OSBP2: variants seen among roughly 807,000 people sequenced by gnomAD.
The protein encoded by OSBP2 is oxysterol binding protein 2.
In OSBP2, 66 loss-of-function variants were observed where a neutral mutation model predicts 96.0. The observed-to-expected ratio is 0.69, with a 90% CI of 0.56 to 0.84. OSBP2 has a LOEUF of 0.84. Ranked by LOEUF, OSBP2 falls within the 40% of genes least tolerant of loss-of-function variation. The pLI is 0.00. For missense variants in OSBP2, 1,038 were observed against 1,222.7 expected, an observed-to-expected ratio of 0.85 and a Z score of 2.25; for synonymous variants, 525 against 520.9, an observed-to-expected ratio of 1.01 and a Z score of -0.11.
At chr22:30,860,085 G>A (rs1358542977) in intron 2 of OSBP2, among the ~76,000 whole-genome samples, 1 of 152,200 alleles carries the variant, frequency 6.6e-6, no homozygotes, top group African/African-American at 2.4e-5. Context: ...CTTGGCTACA[G>A]CACTAAAGGC....
chr22:30,764,509 G>C, intron 2 of OSBP2: 1 of 538,026 alleles, frequency 1.9e-6, no homozygotes, highest in Non-Finnish European at 2.4e-6. Flanking sequence ...CGGGAACCCT[G>C]CTGCCTGTGT....
At chr22:30,850,097 G>A (rs2038949942) in intron 2 of OSBP2, among the ~76,000 whole-genome samples, 1 of 152,024 alleles carries the variant, frequency 6.6e-6, no homozygotes, top group Admixed American at 6.6e-5. Flanking sequence ...GAATTCAGGA[G>A]TTTAAGTCCA....
At chr22:30,707,822 T>G (rs918091580) in intron 1 of OSBP2, among the ~76,000 whole-genome samples, 1 of 151,856 alleles carries the variant, frequency 6.6e-6, no homozygotes, top group African/African-American at 2.4e-5. Context: ...GGGGAGTCAA[T>G]GAATTGCTAG....
At chr22:30,802,846 A>G (rs1029988446) in intron 2 of OSBP2, among the ~76,000 whole-genome samples, 1 of 152,198 alleles carries the variant, frequency 6.6e-6, no homozygotes, top group Non-Finnish European at 1.5e-5. Context: ...GCGCCCTTGC[A>G]GCGCTCAGGC....
At chr22:30,862,417 A>G (rs867323001) in intron 2 of OSBP2, among the ~76,000 whole-genome samples, 1 of 152,210 alleles carries the variant, frequency 6.6e-6, no homozygotes. Context: ...CAGTGGCTCA[A>G]GCCTGTAATC....
intron 2 of OSBP2, among the ~76,000 whole-genome samples, chr22:30,867,775 G>T (rs1263828252): frequency 6.6e-6 from 1 of 152,214 alleles, no homozygotes; most frequent in African/African-American, 2.4e-5. Flanking sequence ...CACACAGAAG[G>T]ATGCTAACAT....
At chr22:30,783,555 C>T (rs1339247808) in intron 2 of OSBP2, among the ~76,000 whole-genome samples, 1 of 152,010 alleles carries the variant, frequency 6.6e-6, no homozygotes, top group East Asian at 1.9e-4. Context: ...TTCCTGATCT[C>T]AAGTGATCCA....
chr22:30,810,634 A>G (rs373792726), intron 2 of OSBP2, among the ~76,000 whole-genome samples: 1 of 152,150 alleles, frequency 6.6e-6, no homozygotes, highest in African/African-American at 2.4e-5. Flanking sequence ...ACTATACCTG[A>G]GCCCCCGCCC....
chr22:30,810,598 G>A lies in OSBP2; in HGVS notation c.854-59831G>A, dbSNP rs147809966. 3.9e-5 allele frequency among the ~76,000 whole-genome samples: 6 copies of A among 152,236 alleles called. No homozygotes were observed. In the East Asian group the frequency reaches 1.2e-3, roughly 29 times the overall value. On this transcript the variant is annotated intron_variant, in intron 2 of 13. Coordinates refer to ENST00000332585, the MANE Select transcript of OSBP2 (RefSeq NM_030758.4). ...GCCTGGCTGCAGAGGGTGAGGTGAG[G>A]CCTGCAGCCTGGCCAGAAGACAGGT...
Position 30,725,001 on chromosome 22 carries a change from C to G in OSBP2, c.645-16160C>G, listed in dbSNP as rs549890765. Among the ~76,000 whole-genome samples, 7 of 122,716 alleles carry G rather than the reference C, an allele frequency of 5.7e-5. No homozygotes were observed. The Admixed American group carries it at 6.5e-4, about 11-fold the overall frequency. The allele number at this position is 122,716 out of a possible 152,430, so 80.5% of individuals were successfully genotyped here. ...ATCCTGGCTAACATGGTGAAACTCCCTCTCTACTAAAAATACAAAAAAAAA... is the reference window on the plus strand; with the variant it reads ...ATCCTGGCTAACATGGTGAAACTCCGTCTCTACTAAAAATACAAAAAAAAA... On this transcript the variant is annotated intron_variant, in intron 1 of 13. Transcript: ENST00000332585.
At chr22:30,905,409 T>C (rs1260382294) in intron 12 of OSBP2, among the ~76,000 whole-genome samples, 1 of 151,276 alleles carries the variant, frequency 6.6e-6, no homozygotes, top group Non-Finnish European at 1.5e-5. Flanking sequence ...CCCAAAGCGC[T>C]GGGATTACAG....
At chr22:30,760,885 C>T (rs530034074) in intron 2 of OSBP2, among the ~76,000 whole-genome samples, 6 of 151,980 alleles carry the variant, frequency 3.9e-5, no homozygotes, top group Admixed American at 6.6e-5. Flanking sequence ...AGAAAAACTA[C>T]ATTATAATAT....
chr22:30,821,584 G>C (rs1302996416), intron 2 of OSBP2, among the ~76,000 whole-genome samples: 1 of 152,132 alleles, frequency 6.6e-6, no homozygotes, highest in Non-Finnish European at 1.5e-5. Context: ...TGGGGGATGG[G>C]GGTGCGGGGA....
intron 2 of OSBP2, among the ~76,000 whole-genome samples, chr22:30,798,480 C>T (rs1030542470): frequency 5.9e-5 from 9 of 151,994 alleles, no homozygotes; most frequent in African/African-American, 2.2e-4. Context: ...GGTATCATAC[C>T]CAAGAAATGT....
At chr22:30,725,569 A>AAC (rs2089635364) in intron 1 of OSBP2, among the ~76,000 whole-genome samples, 1 of 151,900 alleles carries the variant, frequency 6.6e-6, no homozygotes, top group Non-Finnish European at 1.5e-5. Flanking sequence ...CACAAAAAAA[A>AAC]CAAATTCTAG....
chr22:30,886,784 AAAT>A (rs2039819400), intron 3 of OSBP2, among the ~76,000 whole-genome samples: 1 of 152,166 alleles, frequency 6.6e-6, no homozygotes, highest in African/African-American at 2.4e-5. Context: ...GCAAGATAAA[AAAT>A]ATCAGAGCTT....
chr22:30,892,151 T>C (rs976243874), intron 8 of OSBP2, among the ~76,000 whole-genome samples: 2 of 151,788 alleles, frequency 1.3e-5, no homozygotes, highest in South Asian at 2.1e-4. Context: ...TGGATGCGAT[T>C]TGAAGGAAGG....
At chr22:30,874,718 C>T (rs2039541584) in intron 3 of OSBP2, among the ~76,000 whole-genome samples, 1 of 152,238 alleles carries the variant, frequency 6.6e-6, no homozygotes, top group Non-Finnish European at 1.5e-5. Context: ...GAATCTGGAA[C>T]AGCAACGCTG....
chr22:30,809,947 G>A (rs1261197646), intron 2 of OSBP2, among the ~76,000 whole-genome samples: 2 of 152,120 alleles, frequency 1.3e-5, no homozygotes, highest in Non-Finnish European at 2.9e-5. Context: ...AAGAAAGAAT[G>A]GTCTGGAGAG....
Sources: gnomAD v4.1 joint callset for allele counts (sites outside exome capture counted in the v4.1 genomes callset) on GRCh38, gnomAD v4.1.1 for gene constraint, MANE v1.5 for transcripts, NCBI Gene and HGNC (gene_info 2026-07-23, HGNC 2026-07-21) for gene names.